Variants in AGBL4 observed in about 807,000 individuals in gnomAD.
AGBL4 encodes cytosolic carboxypeptidase 6.
AGBL4 carries 58 observed loss-of-function variants against 66.4 expected under a neutral mutation model. The observed-to-expected ratio is 0.87, with a 90% CI of 0.71 to 1.09. AGBL4 has a LOEUF of 1.09. Ranked by LOEUF, AGBL4 falls within the 50% of genes least tolerant of loss-of-function variation. The pLI is 0.00. For missense variants in AGBL4, 579 were observed against 631.0 expected, an observed-to-expected ratio of 0.92 and a Z score of 0.88; for synonymous variants, 234 against 222.9, an observed-to-expected ratio of 1.05 and a Z score of -0.44.
intron 3 of AGBL4, among the ~76,000 whole-genome samples, chr1:49,391,871 G>A (rs1644859461): frequency 6.6e-6 from 1 of 151,946 alleles, no homozygotes; most frequent in South Asian, 2.1e-4. Context: ...TGAACTTGGG[G>A]AAATGGGTGG....
Position 48,791,457 on chromosome 1 carries a change from G to A in AGBL4, c.634+75734C>T, listed in dbSNP as rs186975107. On this transcript the variant is annotated intron_variant, in intron 6 of 13. Transcript: ENST00000371839. Reference sequence around the variant, plus strand: ...TCCATTCCCCCATCCCCATCAAGGGGTTCTGTTAATTCTCTAACACTTGAG... The same window carrying A: ...TCCATTCCCCCATCCCCATCAAGGGATTCTGTTAATTCTCTAACACTTGAG... Among the ~76,000 whole-genome samples the A allele has an allele frequency of 7.3e-3, 1,107 of 152,224 alleles. 5 individuals are homozygous for A. Among genetic ancestry groups the A allele is most frequent in the Middle Eastern group, 0.014 (4 of 294 alleles).
intron 7 of AGBL4, among the ~76,000 whole-genome samples, chr1:48,654,317 A>T (rs1379873356): frequency 6.6e-6 from 1 of 152,064 alleles, no homozygotes; most frequent in Non-Finnish European, 1.5e-5. Context: ...TGTGAATCTG[A>T]TCCTGTCACT....
At chr1:48,888,206 A>G (rs1188354012) in intron 5 of AGBL4, among the ~76,000 whole-genome samples, 2 of 152,168 alleles carry the variant, frequency 1.3e-5, no homozygotes, top group Non-Finnish European at 2.9e-5. Context: ...TACAATTCCA[A>G]AATGATTAAA....
intron 6 of AGBL4, among the ~76,000 whole-genome samples, chr1:48,664,883 T>A (rs1384083815): frequency 6.6e-6 from 1 of 152,120 alleles, no homozygotes; most frequent in Non-Finnish European, 1.5e-5. Flanking sequence ...AGAAAGAACA[T>A]TGAGAGAGGT....
chr1:48,834,518 G>A (rs1646631916), intron 6 of AGBL4, among the ~76,000 whole-genome samples: 3 of 152,062 alleles, frequency 2.0e-5, no homozygotes, highest in Admixed American at 1.3e-4. Context: ...GGCTATGAGA[G>A]TTGGGCCCTC....
chr1:49,309,089 G>A (rs762795279), intron 3 of AGBL4, among the ~76,000 whole-genome samples: 2 of 152,074 alleles, frequency 1.3e-5, no homozygotes, highest in Admixed American at 1.3e-4. Flanking sequence ...AGTGATTATA[G>A]CATAGGTATA....
Position 49,742,568 on chromosome 1 carries a change from A to C in AGBL4, c.158-45131T>G, listed in dbSNP as rs575263200. On this transcript the variant is annotated intron_variant, in intron 2 of 13. Transcript: ENST00000371839. ...AAAAACTACTTTAAAGTTCATATGG[A>C]ACCAAAAAAGAGCCCGCATCGCCAA... 8.6e-3 allele frequency among the ~76,000 whole-genome samples: 1,300 copies of C among 151,996 alleles called. 19 individuals are homozygous for C. The highest frequency in any genetic ancestry group is 0.029 in the African/African-American group (1,215 of 41,448).
chr1:48,546,864 A>AACACACACACACACACACACAC (rs58136623), intron 11 of AGBL4, among the ~76,000 whole-genome samples: 28 of 128,292 alleles, frequency 2.2e-4, no homozygotes, highest in African/African-American at 8.1e-4. Context: ...AAAACAAACA[A>AACACACACACACACACACACAC]ACACACACAC....
intron 1 of AGBL4, among the ~76,000 whole-genome samples, chr1:49,919,320 G>A (rs781726696): frequency 5.3e-5 from 8 of 152,164 alleles, no homozygotes; most frequent in Admixed American, 1.3e-4. Flanking sequence ...TGACATAATT[G>A]TACATTTAGA....
chr1:50,011,375 G>A (rs1661518647), intron 1 of AGBL4, among the ~76,000 whole-genome samples: 1 of 152,154 alleles, frequency 6.6e-6, no homozygotes, highest in South Asian at 2.1e-4. Flanking sequence ...GTCAAAGACA[G>A]GCAATAACAA....
At chr1:49,612,754 A>G (rs1408332149) in intron 3 of AGBL4, among the ~76,000 whole-genome samples, 1 of 152,202 alleles carries the variant, frequency 6.6e-6, no homozygotes, top group African/African-American at 2.4e-5. Flanking sequence ...TTGTGGAGAA[A>G]AGGGAAAACA....
intron 6 of AGBL4, among the ~76,000 whole-genome samples, chr1:48,779,511 A>G (rs562537108): frequency 2.6e-5 from 4 of 152,298 alleles, no homozygotes; most frequent in Non-Finnish European, 4.4e-5. Context: ...ATTTTGTCCC[A>G]GCACTTTTTA....
intron 5 of AGBL4, among the ~76,000 whole-genome samples, chr1:48,991,210 C>A (rs1393471751): frequency 6.6e-6 from 1 of 152,098 alleles, no homozygotes; most frequent in South Asian, 2.1e-4. Flanking sequence ...TTCTACTTCA[C>A]GTTTGAAGAA....
At chr1:49,807,566 A>G (rs1448053011) in intron 2 of AGBL4, among the ~76,000 whole-genome samples, 1 of 152,202 alleles carries the variant, frequency 6.6e-6, no homozygotes, top group East Asian at 1.9e-4. Context: ...CTTGAGTCTC[A>G]TCCATATCTA....
the AGBL4 span, among the ~76,000 whole-genome samples, chr1:48,523,546 C>T: frequency 6.6e-6 from 1 of 152,098 alleles, no homozygotes; most frequent in Non-Finnish European, 1.5e-5. Flanking sequence ...TCAACCAAAC[C>T]ACATGGCCTC....
At chr1:49,877,297 G>C (rs1354316800) in intron 1 of AGBL4, among the ~76,000 whole-genome samples, 8 of 151,208 alleles carry the variant, frequency 5.3e-5, no homozygotes, top group Non-Finnish European at 7.4e-5. Flanking sequence ...CTGTGGGTTT[G>C]TCATAGATAG....
chr1:48,526,637 T>C, the AGBL4 span, among the ~76,000 whole-genome samples: 5 of 152,068 alleles, frequency 3.3e-5, no homozygotes, highest in Non-Finnish European at 7.4e-5. Flanking sequence ...GCAGTAATAG[T>C]AGTAGGAGCA....
chr1:48,551,699 A>G (rs776649759), intron 11 of AGBL4, among the ~76,000 whole-genome samples: 7 of 152,238 alleles, frequency 4.6e-5, no homozygotes, highest in Non-Finnish European at 1.0e-4. Context: ...GGTTTCTTCC[A>G]TGCTGTGTGC....
intron 3 of AGBL4, among the ~76,000 whole-genome samples, chr1:49,425,036 G>A (rs909457348): frequency 2.0e-5 from 3 of 152,048 alleles, no homozygotes; most frequent in African/African-American, 7.2e-5. Context: ...CCCCCTACTT[G>A]CACAGGTCCC....
Sources: allele counts gnomAD v4.1 joint callset (sites outside exome capture counted in the v4.1 genomes callset), GRCh38; gene constraint gnomAD v4.1.1; transcripts MANE v1.5; gene names NCBI Gene and HGNC (gene_info 2026-07-23, HGNC 2026-07-21).